VWA8: variants seen among roughly 807,000 people sequenced by gnomAD.
The protein encoded by VWA8 is von Willebrand factor A domain containing 8.
Under a neutral mutation model 241.5 loss-of-function variants are expected in VWA8, and 221 were observed. The observed-to-expected ratio is 0.91, with a 90% CI of 0.82 to 1.02. The LOEUF (loss-of-function observed/expected upper bound fraction) is 1.02, where lower values mean the gene tolerates loss of function less well. Ranked by LOEUF, VWA8 falls within the 50% of genes least tolerant of loss-of-function variation. VWA8 has a pLI of 0.00. For missense variants in VWA8, 2,322 were observed against 2,328.7 expected (o/e 1.00, Z 0.06); for synonymous variants, 852 against 827.1 (o/e 1.03, Z -0.52).
At chr13:41,787,607 T>TAC (rs112297676) in intron 17 of VWA8, 64 bp from the exon 18 acceptor site, 245,455 of 596,294 alleles carry the variant, frequency 0.41, 18,303 homozygotes, top group East Asian at 0.5. Flanking sequence ...GATTCTTAAA[T>TAC]ACACACACAC....
Position 41,689,384 on chromosome 13 carries a change from A to C in VWA8, c.4101T>G (p.Ala1367=). The change falls in exon 34 of 45, where the codon GCT becomes GCG. Residue 1367 remains alanine (A), a synonymous_variant. Coordinates refer to ENST00000379310, the MANE Select transcript of VWA8 (RefSeq NM_015058.2). ...NRILSDEKNY[A]TIVVGFPDLM... is the part of the protein sequence containing the mutation. ...GATCTGGAAAACCAACAACTATTGT[A>C]GCATAATTTTTCTCATCTGAGAGAA... The C allele has an allele frequency of 6.2e-7, 1 of 1,611,610 alleles. No homozygotes were observed. The highest frequency in any genetic ancestry group is 1.3e-5 in the African/African-American group (1 of 74,958).
At chr13:41,660,160 G>A (rs1238723070) in intron 37 of VWA8, among the ~76,000 whole-genome samples, 2 of 151,768 alleles carry the variant, frequency 1.3e-5, no homozygotes, top group East Asian at 3.9e-4. Context: ...CTATCACCCA[G>A]GCTGGAGTAC....
chr13:41,791,626 C>T (rs1670582509), intron 17 of VWA8, among the ~76,000 whole-genome samples: 1 of 151,802 alleles, frequency 6.6e-6, no homozygotes, highest in Non-Finnish European at 1.5e-5. Flanking sequence ...TCACATTTAA[C>T]ATTTTGTACA....
chr13:41,657,016 CCAAT>C (rs2044911025), intron 37 of VWA8, among the ~76,000 whole-genome samples: 1 of 152,140 alleles, frequency 6.6e-6, no homozygotes, highest in Admixed American at 6.5e-5. Flanking sequence ...CCAGGTCTGA[CCAAT>C]CAAAGTATGC....
intron 42 of VWA8, among the ~76,000 whole-genome samples, chr13:41,577,568 T>C (rs185715577): frequency 1.1e-4 from 16 of 152,280 alleles, no homozygotes; most frequent in Non-Finnish European, 1.6e-4. Flanking sequence ...AATCCTTCCA[T>C]GGAAGCACAC....
At chr13:41,583,198 G>C (rs983492329) in intron 42 of VWA8, among the ~76,000 whole-genome samples, 1 of 152,146 alleles carries the variant, frequency 6.6e-6, no homozygotes, top group Non-Finnish European at 1.5e-5. Context: ...TGGCTTGTGG[G>C]TACTTAAATC....
chr13:41,780,024 T>G (rs1868813568), intron 19 of VWA8, among the ~76,000 whole-genome samples: 1 of 152,182 alleles, frequency 6.6e-6, no homozygotes, highest in East Asian at 1.9e-4. Flanking sequence ...CCTACCTCCC[T>G]AACAATTTCT....
chr13:41,742,026 G>C (rs1316640522), intron 21 of VWA8, among the ~76,000 whole-genome samples: 1 of 152,186 alleles, frequency 6.6e-6, no homozygotes, highest in Non-Finnish European at 1.5e-5. Flanking sequence ...GAAGTTGGGG[G>C]ATGCAAGAGA....
chr13:41,900,329 C>T (rs1405006698), intron 4 of VWA8, among the ~76,000 whole-genome samples: 1 of 151,866 alleles, frequency 6.6e-6, no homozygotes, highest in Non-Finnish European at 1.5e-5. Context: ...GTAATCATTC[C>T]TCAAAGTAGA....
At chr13:41,922,872 T>G (rs1185277004) in intron 2 of VWA8, among the ~76,000 whole-genome samples, 1 of 152,232 alleles carries the variant, frequency 6.6e-6, no homozygotes, top group Admixed American at 6.5e-5. Flanking sequence ...TGGAAGACAG[T>G]GTGGTGATTC....
chr13:41,571,886 C>T (rs1445989804), intron 43 of VWA8, among the ~76,000 whole-genome samples: 1 of 151,894 alleles, frequency 6.6e-6, no homozygotes, highest in South Asian at 2.1e-4. Flanking sequence ...CGGCCGCCAT[C>T]CTGTCTAGGA....
At chr13:41,623,341 C>A (rs1357618786) in intron 37 of VWA8, among the ~76,000 whole-genome samples, 3 of 152,196 alleles carry the variant, frequency 2.0e-5, no homozygotes, top group African/African-American at 7.2e-5. Flanking sequence ...AGCTGCTGAA[C>A]CAGCCCTGAA....
intron 37 of VWA8, among the ~76,000 whole-genome samples, chr13:41,623,897 C>A (rs12716682): frequency 0.071 from 10,665 of 151,240 alleles, 740 homozygotes; most frequent in African/African-American, 0.18. Flanking sequence ...CTTTCATAGG[C>A]ATAAAATAAG....
intron 37 of VWA8, among the ~76,000 whole-genome samples, chr13:41,650,417 C>A (rs972932179): frequency 6.6e-6 from 1 of 152,156 alleles, no homozygotes; most frequent in South Asian, 2.1e-4. Flanking sequence ...AACTAACAAG[C>A]GTAGAAACAT....
At chr13:41,880,360 C>T (rs114625264) in intron 9 of VWA8, among the ~76,000 whole-genome samples, 212 of 152,086 alleles carry the variant, frequency 1.4e-3, no homozygotes, top group African/African-American at 4.9e-3. Context: ...GATATGATGC[C>T]CCTATACCCC....
chr13:41,882,204 T>C (rs1191726567), intron 9 of VWA8, among the ~76,000 whole-genome samples: 2 of 135,778 alleles, frequency 1.5e-5, no homozygotes, highest in African/African-American at 2.9e-5. Flanking sequence ...TCTCAGACGA[T>C]GGGCGGCCGG....
chr13:41,743,624 C>G (rs1307156151), intron 21 of VWA8, among the ~76,000 whole-genome samples: 1 of 152,214 alleles, frequency 6.6e-6, no homozygotes, highest in Non-Finnish European at 1.5e-5. Context: ...CCAAACATAT[C>G]AGCGTTTGAG....
intron 14 of VWA8, among the ~76,000 whole-genome samples, chr13:41,830,039 G>A (rs1050617231): frequency 4.6e-5 from 7 of 152,044 alleles, no homozygotes; most frequent in Non-Finnish European, 8.8e-5. Flanking sequence ...TCAGGAGATC[G>A]AGACCATCCT....
At chr13:41,932,185 A>G (rs59360601) in intron 2 of VWA8, among the ~76,000 whole-genome samples, 34,887 of 151,898 alleles carry the variant, frequency 0.23, 4,075 homozygotes, top group East Asian at 0.28. Context: ...TAAAAAAAAA[A>G]CACTTATGCT....
Sources: gnomAD v4.1 joint callset for allele counts (sites outside exome capture counted in the v4.1 genomes callset) on GRCh38, gnomAD v4.1.1 for gene constraint, MANE v1.5 for transcripts, NCBI Gene and HGNC (gene_info 2026-07-23, HGNC 2026-07-21) for gene names.